The following EFHC1 variants were observed in gnomAD, a reference collection of about 807,000 sequenced individuals.
EFHC1 encodes EF-hand domain containing 1.
EFHC1 carries 53 observed loss-of-function variants against 69.9 expected under a neutral mutation model. That is an observed-to-expected ratio of 0.76 (90% confidence interval 0.61 to 0.95). EFHC1 has a LOEUF of 0.95. EFHC1 is among the 40% of genes least tolerant of loss of function. The pLI is 0.00. For synonymous variants in EFHC1, 256 were observed against 278.4 expected, an observed-to-expected ratio of 0.92 and a Z score of 0.80; for missense variants, 739 against 798.7, an observed-to-expected ratio of 0.93 and a Z score of 0.90.
intron 2 of EFHC1, among the ~76,000 whole-genome samples, chr6:52,428,882 A>G (rs1288220355): frequency 6.6e-6 from 1 of 152,206 alleles, no homozygotes; most frequent in Non-Finnish European, 1.5e-5. Flanking sequence ...GATTATGGCC[A>G]TTCTTGCAGG....
intron 3 of EFHC1, among the ~76,000 whole-genome samples, chr6:52,441,163 CT>C (rs1764654556): frequency 6.6e-6 from 1 of 152,044 alleles, no homozygotes; most frequent in South Asian, 2.1e-4. Flanking sequence ...TCAATTTTTG[CT>C]TTTGTTGTGA....
intron 2 of EFHC1, among the ~76,000 whole-genome samples, chr6:52,431,061 A>G (rs901868409): frequency 2.0e-5 from 3 of 151,948 alleles, no homozygotes; most frequent in African/African-American, 7.2e-5. Flanking sequence ...TTTTGTTTCT[A>G]ATTGAGCTTA....
intron 6 of EFHC1, chr6:52,469,113 A>G (rs1316452419): frequency 1.8e-6 from 1 of 568,796 alleles, no homozygotes; most frequent in Admixed American, 3.1e-5. Context: ...GAGTTACTTT[A>G]GAGCATCATC....
Position 52,493,399 on chromosome 6 carries a change from A to G in EFHC1, c.*1058A>G, listed in dbSNP as rs568098715. ...ATATATATATATTTTATATGTACAC[A>G]TTCATACACACACACGCTTATATGT... On this transcript the variant is annotated 3_prime_UTR_variant, in exon 11 of 11. Transcript: ENST00000371068. 1.4e-5 allele frequency: 3 copies of G among 209,492 alleles called. No individual in the cohort carries two copies. In the East Asian group the frequency reaches 2.9e-4, roughly 20 times the overall value. 13.0% of individuals were successfully genotyped at this position (209,492 alleles called of 1,614,324 possible). A position where few individuals can be genotyped will look rare whatever the true frequency, so the allele number is the denominator to read the frequency against.
chr6:52,477,738 A>G (rs1042151395), intron 7 of EFHC1, among the ~76,000 whole-genome samples: 3 of 152,200 alleles, frequency 2.0e-5, no homozygotes, highest in Non-Finnish European at 4.4e-5. Context: ...ACCATCTCAC[A>G]CCAGTTAGAA....
intron 5 of EFHC1, among the ~76,000 whole-genome samples, chr6:52,463,562 CAAAG>C (rs1562456624): frequency 4.6e-5 from 7 of 152,078 alleles, no homozygotes; most frequent in African/African-American, 1.7e-4. Flanking sequence ...CCAGTGAAAC[CAAAG>C]TCACCATGAG....
intron 9 of EFHC1, chr6:52,486,212 G>A (rs894183472): frequency 2.0e-5 from 3 of 152,166 alleles, no homozygotes; most frequent in African/African-American, 7.2e-5. Flanking sequence ...GAAATTTGGA[G>A]TTGGCCATTT....
intron 5 of EFHC1, among the ~76,000 whole-genome samples, chr6:52,461,455 T>G (rs1765164716): frequency 6.6e-6 from 1 of 152,230 alleles, no homozygotes; most frequent in South Asian, 2.1e-4. Flanking sequence ...CACATTTTCT[T>G]TATTCAATCT....
chr6:52,481,528 CTCTCTCT>C, intron 9 of EFHC1: 1 of 152,096 alleles, frequency 6.6e-6, no homozygotes, highest in South Asian at 2.1e-4. Flanking sequence ...CTCTCTCTCT[CTCTCTCT>C]CTCTCGACAG....
Position 52,479,624 on chromosome 6 carries a change from G to A in EFHC1, c.1493-16G>A, listed in dbSNP as rs750763954. On this transcript the variant is annotated splice_polypyrimidine_tract_variant and intron_variant, in intron 8 of 10. Coordinates refer to ENST00000371068, the MANE Select transcript of EFHC1 (RefSeq NM_018100.4). ...AGAACATCACCAAGCTAAGTGTGTT[G>A]CTACCTTCTCTCCAGTGTTTGGTCA... The A allele has an allele frequency of 6.2e-7, 1 of 1,614,190 alleles. No homozygotes were observed. Among genetic ancestry groups the A allele is most frequent in the South Asian group, 1.1e-5 (1 of 91,084 alleles).
At chr6:52,473,217 C>T (rs939368352) in intron 7 of EFHC1, among the ~76,000 whole-genome samples, 6 of 151,978 alleles carry the variant, frequency 3.9e-5, no homozygotes, top group Admixed American at 3.9e-4. Context: ...GATTAGACAG[C>T]CCAGGAAAAG....
At chr6:52,468,093 G>A (rs1171711318) in intron 6 of EFHC1, among the ~76,000 whole-genome samples, 4 of 152,202 alleles carry the variant, frequency 2.6e-5, no homozygotes, top group African/African-American at 9.7e-5. Context: ...TTTTCTGTCA[G>A]GCTGGCTCCA....
At chr6:52,425,903 T>TTA (rs2113968324) in intron 2 of EFHC1, among the ~76,000 whole-genome samples, 1 of 152,336 alleles carries the variant, frequency 6.6e-6, no homozygotes, top group African/African-American at 2.4e-5. Context: ...CATTTCTTAC[T>TTA]TAGGTAATAA....
chr6:52,459,558 C>A (rs964301889), intron 5 of EFHC1, among the ~76,000 whole-genome samples: 2 of 152,212 alleles, frequency 1.3e-5, no homozygotes, highest in East Asian at 3.8e-4. Flanking sequence ...ACTGACCATA[C>A]CAAGTGTTGA....
intron 6 of EFHC1, chr6:52,468,275 G>T (rs1765354453): frequency 6.6e-6 from 1 of 152,218 alleles, no homozygotes; most frequent in Non-Finnish European, 1.5e-5. Flanking sequence ...TGGATCATAT[G>T]AGCAGGAGTA....
At chr6:52,443,445 A>G (rs546061564) in intron 3 of EFHC1, among the ~76,000 whole-genome samples, 2 of 150,800 alleles carry the variant, frequency 1.3e-5, no homozygotes, top group South Asian at 2.1e-4. Flanking sequence ...TCTTTAATCC[A>G]TCTTGAATTA....
Position 52,494,944 on chromosome 6 carries a change from T to C in EFHC1, c.*2603T>C, listed in dbSNP as rs1235513957. ...TTCATTTAAAAAATCTAATCCACCA[T>C]TGATTGGCACCTAGGTTGATTCCAT... On this transcript the variant is annotated 3_prime_UTR_variant, in exon 11 of 11. Transcript: ENST00000371068. The C allele has an allele frequency of 1.3e-5, 6 of 453,070 alleles. No individual in the cohort carries two copies. The highest frequency in any genetic ancestry group is 2.2e-5 in the Non-Finnish European group (5 of 226,056). 28.1% of individuals were successfully genotyped at this position (453,070 alleles called of 1,614,324 possible).
Position 52,493,051 on chromosome 6 carries a change from G to A in EFHC1, c.*710G>A, listed in dbSNP as rs1374311038. On this transcript the variant is annotated 3_prime_UTR_variant, in exon 11 of 11. Coordinates refer to ENST00000371068, the MANE Select transcript of EFHC1 (RefSeq NM_018100.4). ...CTCCTCCAATCATTTGAAGACATGAGTAGAATAAAAAGGCTGACCTTTCCC... is the reference window on the plus strand; with the variant it reads ...CTCCTCCAATCATTTGAAGACATGAATAGAATAAAAAGGCTGACCTTTCCC... 2 of 454,082 alleles carry A rather than the reference G, an allele frequency of 4.4e-6. No individual in the cohort carries two copies. The highest frequency in any genetic ancestry group is 3.1e-5 in the South Asian group (2 of 64,478). 28.1% of individuals were successfully genotyped at this position (454,082 alleles called of 1,614,324 possible).
At chr6:52,462,292 G>A (rs1765185462) in intron 5 of EFHC1, among the ~76,000 whole-genome samples, 1 of 151,656 alleles carries the variant, frequency 6.6e-6, no homozygotes, top group South Asian at 2.1e-4. Flanking sequence ...AAAAAAAGAG[G>A]TACTTGGAGG....
Sources: allele counts gnomAD v4.1 joint callset (sites outside exome capture counted in the v4.1 genomes callset), GRCh38; gene constraint gnomAD v4.1.1; transcripts MANE v1.5; gene names NCBI Gene and HGNC (gene_info 2026-07-23, HGNC 2026-07-21).